KLRG2: variants seen among roughly 807,000 people sequenced by gnomAD.
The protein encoded by KLRG2 is killer cell lectin-like receptor subfamily G member 2.
KLRG2 carries 39 observed loss-of-function variants against 35.4 expected under a neutral mutation model. The observed-to-expected ratio is 1.10, with a 90% confidence interval of 0.85 to 1.44. The LOEUF (loss-of-function observed/expected upper bound fraction) is 1.44, where lower values mean the gene tolerates loss of function less well. Among genes scored for constraint, KLRG2 ranks in the 40% most tolerant of loss-of-function variants. The pLI, the probability that KLRG2 is intolerant of heterozygous loss-of-function variation, is 0.00. For missense variants in KLRG2, 632 were observed against 570.9 expected, an observed-to-expected ratio of 1.11 and a Z score of -1.09; for synonymous variants, 283 against 265.8, an observed-to-expected ratio of 1.06 and a Z score of -0.63.
Position 139,483,029 on chromosome 7 carries a change from G to A in KLRG2, c.614C>T (p.Pro205Leu). The change falls in exon 1 of 5, where the codon CCC (proline) becomes CTC (leucine). Residue 205 changes from proline (P) to leucine (L), a missense_variant. Pro to Leu is a moderately conservative substitution (Grantham distance 98). Coordinates refer to ENST00000340940, the MANE Select transcript of KLRG2 (RefSeq NM_198508.4). ...CGGGGAGCCGGCGCTTCCTTCCGCGGGGCTGGCCCGGCCCTCTGCGTCGCA... is the reference window on the plus strand; with the variant it reads ...CGGGGAGCCGGCGCTTCCTTCCGCGAGGCTGGCCCGGCCCTCTGCGTCGCA... ...SGCDAEGRAS[P>L]AEGSAGSPGS... 1 of 1,371,280 alleles carries A rather than the reference G, an allele frequency of 7.3e-7. No individual in the cohort carries two copies. The highest frequency in any genetic ancestry group is 9.3e-7 in the Non-Finnish European group (1 of 1,071,696). 84.9% of individuals were successfully genotyped at this position (1,371,280 alleles called of 1,614,324 possible).
At chr7:139,440,900 C>G in the KLRG2 span, among the ~76,000 whole-genome samples, 9 of 152,350 alleles carry the variant, frequency 5.9e-5, no homozygotes, top group Non-Finnish European at 1.2e-4. Context: ...ATCTAGCAGT[C>G]TGTCAGCTTC....
chr7:139,475,314 G>T (rs1012456914), intron 3 of KLRG2, among the ~76,000 whole-genome samples: 1 of 152,058 alleles, frequency 6.6e-6, no homozygotes, highest in South Asian at 2.1e-4. Flanking sequence ...GGCGGATCAC[G>T]AGGTCAGGAG....
intron 1 of KLRG2, among the ~76,000 whole-genome samples, chr7:139,481,913 G>A (rs972356243): frequency 6.6e-5 from 10 of 150,938 alleles, no homozygotes; most frequent in African/African-American, 2.4e-4. Flanking sequence ...GGTGACAAGC[G>A]CAAAACTTAT....
At chr7:139,479,483 C>T (rs529742921) in intron 3 of KLRG2, 144 bp downstream of exon 3, 26 of 825,488 alleles carry the variant, frequency 3.1e-5, no homozygotes, top group African/African-American at 5.1e-5. Context: ...AGAGGCTGCA[C>T]GAAGTTATGG....
chr7:139,477,944 G>A (rs1207214465), intron 3 of KLRG2, among the ~76,000 whole-genome samples: 1 of 151,870 alleles, frequency 6.6e-6, no homozygotes, highest in Non-Finnish European at 1.5e-5. Flanking sequence ...ATTTTTAGTA[G>A]AGACGGGGTT....
intron 3 of KLRG2, among the ~76,000 whole-genome samples, chr7:139,477,126 A>T (rs1264083319): frequency 6.6e-6 from 1 of 152,174 alleles, no homozygotes; most frequent in Admixed American, 6.5e-5. Context: ...GATTGCTGGG[A>T]ATGTAAAATT....
At chr7:139,449,992 T>C (rs147168758), downstream of KLRG2, among the ~76,000 whole-genome samples, 332 of 151,462 alleles carry the variant, frequency 2.2e-3, 4 homozygotes, top group African/African-American at 7.5e-3. Context: ...TGAGCCACTG[T>C]GCCCGGCCTA....
chr7:139,445,767 G>GTATATATATATATGTGTATATATA, the KLRG2 span, among the ~76,000 whole-genome samples: 1 of 89,634 alleles, frequency 1.1e-5, no homozygotes, highest in Non-Finnish European at 2.0e-5. Context: ...ATATGTGTAT[G>GTATATATATATATGTGTATATATA]TATATATATA....
chr7:139,465,769 C>T (rs1569412875), intron 3 of KLRG2, among the ~76,000 whole-genome samples: 1 of 152,034 alleles, frequency 6.6e-6, no homozygotes, highest in South Asian at 2.1e-4. Context: ...AGGCATCAGA[C>T]CTCTCATTGC....
chr7:139,462,662 C>T lies in KLRG2; in HGVS notation c.1006-8448G>A, dbSNP rs571310258. On this transcript the variant is annotated intron_variant, in intron 3 of 4. Coordinates refer to ENST00000340940, the MANE Select transcript of KLRG2 (RefSeq NM_198508.4). ...AAACTTGACAATGGTTCCAAATAGC[C>T]AGAAAACGGCACTTTCGATTTCTCC... Among the ~76,000 whole-genome samples the T allele has an allele frequency of 7.9e-5, 12 of 152,232 alleles. No homozygotes were observed. The South Asian group carries it at 2.5e-3, about 32-fold the overall frequency.
downstream of KLRG2, among the ~76,000 whole-genome samples, chr7:139,451,674 G>A (rs976489980): frequency 8.5e-5 from 13 of 152,094 alleles, no homozygotes; most frequent in South Asian, 2.1e-4. Context: ...GAAAGAATGC[G>A]GCCTTTGGAG....
intron 3 of KLRG2, among the ~76,000 whole-genome samples, chr7:139,473,222 A>G (rs1796791076): frequency 6.6e-6 from 1 of 152,238 alleles, no homozygotes; most frequent in Non-Finnish European, 1.5e-5. Context: ...CAGAGGTTGC[A>G]GTGAGCTGAG....
At chr7:139,437,738 G>A in the KLRG2 span, among the ~76,000 whole-genome samples, 2 of 149,972 alleles carry the variant, frequency 1.3e-5, no homozygotes, top group African/African-American at 2.5e-5. Context: ...GATTACAGGC[G>A]TGAGCCACCG....
chr7:139,459,394 T>C (rs796787658), intron 3 of KLRG2, among the ~76,000 whole-genome samples: 1 of 152,242 alleles, frequency 6.6e-6, no homozygotes, highest in African/African-American at 2.4e-5. Flanking sequence ...CCTGCAACAA[T>C]ATGATCCCCG....
At chr7:139,453,756 G>A (rs1159728701) in intron 4 of KLRG2, 49 bp from the exon 5 acceptor site, 1 of 1,610,066 alleles carries the variant, frequency 6.2e-7, no homozygotes, top group Non-Finnish European at 8.5e-7. Context: ...GGGTGCCGGG[G>A]CCTTGCTTCC....
the KLRG2 span, among the ~76,000 whole-genome samples, chr7:139,446,435 C>T: frequency 0.016 from 2,350 of 149,118 alleles, 62 homozygotes; most frequent in African/African-American, 0.055. Context: ...CTTCTACCTC[C>T]TGGGTAGAGA....
chr7:139,447,827 G>A (rs2116411206), downstream of KLRG2, among the ~76,000 whole-genome samples: 1 of 152,262 alleles, frequency 6.6e-6, no homozygotes, highest in South Asian at 2.1e-4. Flanking sequence ...TGCCGAAGCT[G>A]CCTGCTGCCA....
chr7:139,442,491 G>A, the KLRG2 span, among the ~76,000 whole-genome samples: 1 of 151,840 alleles, frequency 6.6e-6, no homozygotes, highest in South Asian at 2.1e-4. Context: ...GTGGGAGGAT[G>A]GCTCGAGTCC....
At chr7:139,427,827 CTCA>C in the KLRG2 span, among the ~76,000 whole-genome samples, 1 of 152,150 alleles carries the variant, frequency 6.6e-6, no homozygotes, top group Non-Finnish European at 1.5e-5. Flanking sequence ...AATGAAGTGC[CTCA>C]TGTTTTCCAA....
Sources: allele counts gnomAD v4.1 joint callset (sites outside exome capture counted in the v4.1 genomes callset), GRCh38; gene constraint gnomAD v4.1.1; transcripts MANE v1.5; gene names NCBI Gene and HGNC (gene_info 2026-07-23, HGNC 2026-07-21).